The following GLTP variants were observed in gnomAD, a reference collection of about 807,000 sequenced individuals.
GLTP encodes glycolipid transfer protein.
In GLTP, 22 loss-of-function variants were observed where a neutral mutation model predicts 24.0. That is an observed-to-expected ratio of 0.92 (90% CI 0.65 to 1.31). The LOEUF (loss-of-function observed/expected upper bound fraction) is 1.31. Among genes scored for constraint, GLTP ranks in the 50% most tolerant of loss-of-function variants. The probability of loss-of-function intolerance (pLI) is 0.00; values close to 1 mark genes in which losing one functional copy is unlikely to be tolerated. For missense variants in GLTP, 224 were observed against 276.6 expected (o/e 0.81, Z 1.35); for synonymous variants, 92 against 115.9 (o/e 0.79, Z 1.33).
rs374681174 is a variant in GLTP, at chr12:109,880,261, T to C, written c.103+11A>G. The C allele has an allele frequency of 2.6e-5, 40 of 1,551,366 alleles. No homozygotes were observed. Among genetic ancestry groups the C allele is most frequent in the South Asian group, 3.4e-5 (3 of 89,130 alleles). On this transcript the variant is annotated intron_variant, in intron 1 of 4. Transcript: ENST00000318348. This position sits in a 1 kb window ranked among gnomAD's most constrained non-coding sequence, Gnocchi z 5.1. The stretch of plus-strand genomic sequence containing the variant: ...GGCTGCGGGCCGCCTCCCCCCTCCA[T>C]TCCGGCTCACCGAAGAAGGGCGGCA...
intron 1 of GLTP, among the ~76,000 whole-genome samples, chr12:109,878,000 G>A (rs1367196521): frequency 6.6e-6 from 1 of 152,210 alleles, no homozygotes; most frequent in South Asian, 2.1e-4. Context: ...GGGCCCTGTG[G>A]TGGTTAACCC....
At chr12:109,858,113 G>T in intron 2 of GLTP, 1 of 458,514 alleles carries the variant, frequency 2.2e-6, no homozygotes, top group Non-Finnish European at 4.4e-6. Context: ...GGTAGGCCTG[G>T]GTCTGAATCC....
intron 1 of GLTP, among the ~76,000 whole-genome samples, chr12:109,879,750 T>C (rs1048451190): frequency 6.6e-6 from 1 of 152,036 alleles, no homozygotes; most frequent in Admixed American, 6.6e-5. Flanking sequence ...TGATCTGGAA[T>C]GGGCGAATTC....
chr12:109,873,188 T>A (rs181283909), intron 1 of GLTP, among the ~76,000 whole-genome samples: 2,020 of 145,884 alleles, frequency 0.014, 29 homozygotes, highest in Non-Finnish European at 0.015. Context: ...ACTTTAAATT[T>A]AAAAAAAAAA....
intron 1 of GLTP, among the ~76,000 whole-genome samples, chr12:109,872,967 G>A (rs184387610): frequency 6.6e-6 from 1 of 152,336 alleles, no homozygotes; most frequent in Admixed American, 6.5e-5. Context: ...CGCTTTGAAT[G>A]TGGCCCAATA....
At chr12:109,872,947 G>A (rs1046364742) in intron 1 of GLTP, among the ~76,000 whole-genome samples, 4 of 152,164 alleles carry the variant, frequency 2.6e-5, no homozygotes, top group Non-Finnish European at 5.9e-5. Context: ...GGCTGCATGT[G>A]GCCCAGGACC....
In GLTP at chr12:109,851,388, A is replaced by C. The variant is rs1565895778; in HGVS notation, c.*1167T>G. Reference sequence around the variant, plus strand: ...ACAACAACAAAAAACAACCAGAAAAAAGAAAACAAACAAAAAAATCTGTCT... The same window carrying C: ...ACAACAACAAAAAACAACCAGAAAACAGAAAACAAACAAAAAAATCTGTCT... On this transcript the variant is annotated 3_prime_UTR_variant, in exon 5 of 5. Transcript: ENST00000318348. The C allele has an allele frequency of 6.6e-6, 1 of 152,184 alleles. No individual in the cohort carries two copies. The allele number at this position is 152,184 out of a possible 1,614,324, so 9.4% of individuals were successfully genotyped here.
At chr12:109,861,795 G>C (rs1416839662) in intron 1 of GLTP, among the ~76,000 whole-genome samples, 1 of 152,154 alleles carries the variant, frequency 6.6e-6, no homozygotes, top group Non-Finnish European at 1.5e-5. Context: ...CCGGTGAGTG[G>C]TGAACACTCA....
At chr12:109,874,392 A>G (rs1010871031) in intron 1 of GLTP, among the ~76,000 whole-genome samples, 2 of 152,238 alleles carry the variant, frequency 1.3e-5, no homozygotes, top group Non-Finnish European at 2.9e-5. Context: ...TTCTGGGTTC[A>G]CTCTAGGACT....
rs867391589 is a variant in GLTP, at chr12:109,852,359, C to A, written c.*196G>T. Reference sequence around the variant, plus strand: ...GGAAGTAAGATCATTATTTACTGGTCCTTTAGAATAGACCAAAAAAAAAAA... The same window carrying A: ...GGAAGTAAGATCATTATTTACTGGTACTTTAGAATAGACCAAAAAAAAAAA... On this transcript the variant is annotated 3_prime_UTR_variant, in exon 5 of 5. Coordinates refer to ENST00000318348, the MANE Select transcript of GLTP (RefSeq NM_016433.4). 1.0e-4 allele frequency: 50 copies of A among 485,508 alleles called. No homozygotes were observed. The Middle Eastern group carries it at 4.9e-3, about 48-fold the overall frequency. The allele number at this position is 485,508 out of a possible 1,614,324, so 30.1% of individuals were successfully genotyped here.
chr12:109,855,676 C>T lies in GLTP; in HGVS notation c.390G>A (p.Lys130=). The T allele has an allele frequency of 6.2e-7, 1 of 1,608,302 alleles. No homozygotes were observed. Among genetic ancestry groups the T allele is most frequent in the Non-Finnish European group, 8.5e-7 (1 of 1,177,588 alleles). The part of the protein sequence containing the change: ...HPNLIRVNAT[K]AYEMALKKYH... ...ACTTCTTGAGGGCCATCTCGTAGGC[C>T]TTGGTGGCGTTGACACGGATGAGGT... is the stretch of plus-strand genomic sequence containing the variant. Residue 130 remains lysine (K), a synonymous_variant, in exon 4 of 5, where the codon AAG becomes AAA. Coordinates refer to ENST00000318348, the MANE Select transcript of GLTP (RefSeq NM_016433.4). The surrounding 1 kb of genome is among the most constrained non-coding windows in gnomAD (Gnocchi z 4.1).
intron 1 of GLTP, among the ~76,000 whole-genome samples, chr12:109,861,440 CT>C (rs1220754856): frequency 6.6e-6 from 1 of 152,114 alleles, no homozygotes; most frequent in Non-Finnish European, 1.5e-5. Context: ...TCATATGCTT[CT>C]TTAAGAAATT....
chr12:109,853,896 C>G, intron 4 of GLTP, among the ~76,000 whole-genome samples: 1 of 151,158 alleles, frequency 6.6e-6, no homozygotes, highest in Non-Finnish European at 1.5e-5. Context: ...GTGCCCGCCA[C>G]CATGCCCAGC....
intron 1 of GLTP, among the ~76,000 whole-genome samples, chr12:109,869,852 C>T (rs917503125): frequency 2.0e-4 from 31 of 152,096 alleles, no homozygotes; most frequent in African/African-American, 7.0e-4. Context: ...TCACTGCAAC[C>T]TCCACCTCCC....
chr12:109,877,288 G>A (rs1283322056), intron 1 of GLTP, among the ~76,000 whole-genome samples: 1 of 152,210 alleles, frequency 6.6e-6, no homozygotes, highest in Admixed American at 6.5e-5. Flanking sequence ...TCTACATAGA[G>A]TACTTAGCAC....
intron 1 of GLTP, among the ~76,000 whole-genome samples, chr12:109,865,601 GAA>G (rs779767793): frequency 1.5e-5 from 2 of 136,946 alleles, no homozygotes; most frequent in Admixed American, 1.5e-4. Context: ...GATTCTGTTT[GAA>G]AAAAAAAAAA....
chr12:109,872,330 G>A (rs1363269678), intron 1 of GLTP, among the ~76,000 whole-genome samples: 1 of 151,726 alleles, frequency 6.6e-6, no homozygotes, highest in African/African-American at 2.4e-5. Flanking sequence ...GTTGGGAAAC[G>A]GAGCTGCCAA....
chr12:109,871,050 A>G (rs1171548388), intron 1 of GLTP, among the ~76,000 whole-genome samples: 2 of 151,996 alleles, frequency 1.3e-5, no homozygotes, highest in Non-Finnish European at 2.9e-5. Context: ...TGAAACAATG[A>G]AACCTAAGAC....
intron 1 of GLTP, among the ~76,000 whole-genome samples, chr12:109,879,906 G>A (rs1869014985): frequency 6.6e-6 from 1 of 152,118 alleles, no homozygotes; most frequent in Non-Finnish European, 1.5e-5. Context: ...CTTTGGGGAA[G>A]AAGGGGCAGG....
Sources: gnomAD v4.1 joint callset for allele counts (sites outside exome capture counted in the v4.1 genomes callset) on GRCh38, gnomAD v4.1.1 for gene constraint, Gnocchi (gnomAD v3.1) non-coding constraint, MANE v1.5 for transcripts, NCBI Gene and HGNC (gene_info 2026-07-23, HGNC 2026-07-21) for gene names.